Variants in COL6A1 observed in about 807,000 individuals in gnomAD.
COL6A1 encodes the protein collagen type VI alpha 1 chain.
A neutral mutation model predicts 145.6 loss-of-function variants in COL6A1; 80 were observed. The observed-to-expected ratio is 0.55, with a 90% confidence interval of 0.46 to 0.66. The LOEUF (loss-of-function observed/expected upper bound fraction) is 0.66, where lower values mean the gene tolerates loss of function less well. Among genes scored for constraint, COL6A1 ranks in the 30% least tolerant of loss-of-function variants. The pLI, the probability that COL6A1 is intolerant of heterozygous loss-of-function variation, is 0.00. For missense variants in COL6A1, 1,364 were observed against 1,473.8 expected (o/e 0.93, Z 1.22); for synonymous variants, 638 against 622.8 (o/e 1.02, Z -0.36).
At chr21:45,989,809 C>T in intron 11 of COL6A1, 31 bp downstream of exon 11, 1 of 1,612,700 alleles carries the variant, frequency 6.2e-7, no homozygotes. Flanking sequence ...GAGCTGGTCT[C>T]TCCAGGCGCA....
intron 26 of COL6A1, 46 bp downstream of exon 26, chr21:45,999,264 A>T (rs1372408723): frequency 6.6e-7 from 1 of 1,516,746 alleles, no homozygotes; most frequent in Non-Finnish European, 9.0e-7. Context: ...TGTGCCTGGG[A>T]CGCCGGATGC....
rs886043011 is a variant in COL6A1 at position 46,003,691 on chromosome 21, A to G, written c.2765A>G (p.Tyr922Cys). Residue 922 changes from tyrosine (Y) to cysteine (C), a missense_variant, in exon 35 of 35, where the codon TAT (tyrosine) becomes TGT (cysteine). Tyr to Cys is a radical substitution (Grantham distance 194). This residue lies in a region of COL6A1 where 938 missense variants were observed against 1,003.8 expected (regional missense o/e 0.93). Coordinates refer to ENST00000361866, the MANE Select transcript of COL6A1 (RefSeq NM_001848.3). ...DATDVNDALG[Y>C]VTRFYREASS... ...ACCGACGTCAACGATGCCCTGGGCT[A>G]TGTGACCCGCTTCTACCGCGAGGCC... 5.6e-6 allele frequency: 9 copies of G among 1,612,964 alleles called. No homozygotes were observed. The Admixed American group carries it at 1.3e-4, about 24-fold the overall frequency.
intron 2 of COL6A1, 70 bp from the exon 3 acceptor site, chr21:45,984,199 G>A (rs1445986658): frequency 9.6e-6 from 14 of 1,453,458 alleles, no homozygotes; most frequent in African/African-American, 2.8e-5. Flanking sequence ...GGGTGACGTC[G>A]CGCCCTGGGA....
chr21:45,992,359 C>A lies in COL6A1; in HGVS notation c.1237-4C>A. 2 of 1,613,732 alleles carry A rather than the reference C, an allele frequency of 1.2e-6. No homozygotes were observed. Among genetic ancestry groups the A allele is most frequent in the African/African-American group, 1.3e-5 (1 of 75,052 alleles). ...ACGCCGGCGTCTGTTTCTCTTCATC[C>A]CAGGGGAACCCAGGACCTGACGGTG... On this transcript the variant is annotated splice_region_variant and splice_polypyrimidine_tract_variant and intron_variant, in intron 17 of 34. Transcript: ENST00000361866.
intron 9 of COL6A1, among the ~76,000 whole-genome samples, 187 bp from the exon 10 acceptor site, chr21:45,989,421 A>T (rs1231536806): frequency 6.6e-6 from 1 of 152,058 alleles, no homozygotes; most frequent in Non-Finnish European, 1.5e-5. Context: ...CTTGGCCCAA[A>T]TCCTATCCAT....
Position 45,981,951 on chromosome 21 carries a change from A to T in COL6A1, c.97+4A>T, listed in dbSNP as rs765032071. On this transcript the variant is annotated splice_donor_region_variant and intron_variant, in intron 1 of 34. Coordinates refer to ENST00000361866, the MANE Select transcript of COL6A1 (RefSeq NM_001848.3). The stretch of plus-strand genomic sequence containing the variant: ...CCGAGGGCCGTGGCCTTCCAGGGTG[A>T]GTGGTGGCTTGGGGTGCAGGCTCCA... The T allele has an allele frequency of 2.5e-6, 4 of 1,603,066 alleles. No homozygotes were observed. The South Asian group carries it at 4.5e-5, about 18-fold the overall frequency.
chr21:45,998,847 TA>T, intron 24 of COL6A1, 49 bp from the exon 25 acceptor site: 1 of 1,544,628 alleles, frequency 6.5e-7, no homozygotes, highest in African/African-American at 1.4e-5. Flanking sequence ...TTCCACTTCC[TA>T]AAAACAAAAT....
chr21:45,990,127 T>C (rs778970624), intron 11 of COL6A1, 131 bp from the exon 12 acceptor site: 10 of 1,185,692 alleles, frequency 8.4e-6, no homozygotes, highest in Admixed American at 1.8e-5. Context: ...TCAGTCCCCA[T>C]GATTCTCAGC....
In COL6A1 at chr21:45,989,065, G is replaced by T; in HGVS notation, c.805-19G>T. ...AAAGAAACGGGGCTGCCCCAACCTT[G>T]ACCTGTTTTGTGTTCCAGGGAGAAC... On this transcript the variant is annotated intron_variant, in intron 8 of 34. Transcript: ENST00000361866. 1 of 1,610,986 alleles carries T rather than the reference G, an allele frequency of 6.2e-7. No homozygotes were observed. The highest frequency in any genetic ancestry group is 1.1e-5 in the South Asian group (1 of 90,832).
At position 45,999,971 on chromosome 21, in the gene COL6A1, G is replaced by GATCATAGGGGGACATGTGAGGATC. The variant is rs530833979; in HGVS notation, c.1776+284_1776+285insAGGGGGACATGTGAGGATCATCAT. Among the ~76,000 whole-genome samples the GATCATAGGGGGACATGTGAGGATC allele has an allele frequency of 2.1e-3, 11 of 5,230 alleles. 1 individual carries two copies. Among genetic ancestry groups the GATCATAGGGGGACATGTGAGGATC allele is most frequent in the South Asian group, 0.017 (3 of 174 alleles). The allele number at this position is 5,230 out of a possible 152,430, so 3.4% of individuals were successfully genotyped here. On this transcript the variant is annotated intron_variant, in intron 27 of 34. Transcript: ENST00000361866. ...TGTGAGGATCATGGGAGGACGTGAG[G>GATCATAGGGGGACATGTGAGGATC]ATCATGGAGGGGGACATGTGAGGAT...
intron 29 of COL6A1, 182 bp from the exon 30 acceptor site, chr21:46,001,071 G>T: frequency 1.1e-6 from 1 of 890,104 alleles, no homozygotes; most frequent in Non-Finnish European, 1.7e-6. Context: ...CTGACCAGCC[G>T]CCGGACAGAG....
rs965382563 is a variant in COL6A1 at position 45,987,282 on chromosome 21, C to G, written c.738+107C>G. The G allele has an allele frequency of 8.4e-6, 13 of 1,549,920 alleles. No homozygotes were observed. In the East Asian group the frequency reaches 1.6e-4, roughly 19 times the overall value. ...CCCTATGCATATCCGCCCATGTGCC[C>G]GGGACACATGTCCCCTGCGTGTCTG... On this transcript the variant is annotated intron_variant, in intron 6 of 34. Transcript: ENST00000361866.
rs374654116 is a variant in COL6A1, at chr21:45,989,772, G to C, written c.924G>C (p.Gly308=). 1.2e-5 allele frequency: 19 copies of C among 1,612,886 alleles called. No homozygotes were observed. The African/African-American group carries it at 2.4e-4, about 20-fold the overall frequency. The change falls in exon 11 of 35, where the codon GGG becomes GGC. Residue 308 remains glycine (G), a synonymous_variant. Coordinates refer to ENST00000361866, the MANE Select transcript of COL6A1 (RefSeq NM_001848.3). ...QGMKGEKGSR[G]EKGSRGPKGY... The stretch of plus-strand genomic sequence containing the variant: ...TGTAGGGAGAAAAAGGGAGCCGTGG[G>C]GAGAAGGTGAGTGAGGCTCGACCTC...
chr21:45,990,864 G>T, intron 14 of COL6A1, 38 bp downstream of exon 14: 1 of 1,611,468 alleles, frequency 6.2e-7, no homozygotes, highest in Non-Finnish European at 8.5e-7. Context: ...TAAAACTAGC[G>T]CTGTCAGCAG....
chr21:45,994,325 C>T lies in COL6A1; in HGVS notation c.1398+96C>T, dbSNP rs1456908806. On this transcript the variant is annotated intron_variant, in intron 20 of 34. Transcript: ENST00000361866. This position sits in a 1 kb window ranked among gnomAD's most constrained non-coding sequence, Gnocchi z 6.8. ...CACGCACTGGGGGTCTGTTCATTTC[C>T]GTTTGAGGGCCTCTGTGTTTCCGTA... 2.4e-5 allele frequency: 28 copies of T among 1,180,408 alleles called. No homozygotes were observed. The highest frequency in any genetic ancestry group is 3.5e-5 in the Non-Finnish European group (28 of 810,902). 73.1% of individuals were successfully genotyped at this position (1,180,408 alleles called of 1,614,324 possible). A position where few individuals can be genotyped will look rare whatever the true frequency, so the allele number is the denominator to read the frequency against.
intron 33 of COL6A1, 88 bp downstream of exon 33, chr21:46,002,798 C>A: frequency 7.1e-7 from 1 of 1,408,980 alleles, no homozygotes. Flanking sequence ...TAGGTGCACG[C>A]GGGGCCGCCC....
chr21:45,985,185 CAG>C (rs1184781322), intron 3 of COL6A1, among the ~76,000 whole-genome samples: 4 of 115,388 alleles, frequency 3.5e-5, no homozygotes, highest in Non-Finnish European at 7.7e-5. Context: ...GACAGAGAGA[CAG>C]AGAGAAGCAG....
chr21:45,995,022 A>C (rs2077797246), intron 20 of COL6A1, among the ~76,000 whole-genome samples: 1 of 152,266 alleles, frequency 6.6e-6, no homozygotes, highest in South Asian at 2.1e-4. Context: ...ACGTCCAGCA[A>C]GATGGGGCCT....
chr21:46,000,611 G>A, intron 28 of COL6A1, 148 bp from the exon 29 acceptor site: 1 of 1,355,770 alleles, frequency 7.4e-7, no homozygotes, highest in Non-Finnish European at 1.0e-6. Flanking sequence ...GGGAGGCGGG[G>A]AGGCGGGGCA....
Sources: allele counts gnomAD v4.1 joint callset (sites outside exome capture counted in the v4.1 genomes callset), GRCh38; gene constraint gnomAD v4.1.1; regional missense constraint gnomAD v4.1.1; non-coding constraint Gnocchi (gnomAD v3.1); transcripts MANE v1.5; gene names NCBI Gene and HGNC (gene_info 2026-07-23, HGNC 2026-07-21).